ZNRF1: variants seen among roughly 807,000 people sequenced by gnomAD.
The protein encoded by ZNRF1 is zinc and ring finger 1, also known as E3 ubiquitin-protein ligase ZNRF1.
In ZNRF1, 3 loss-of-function variants were observed where a neutral mutation model predicts 18.4. That is an observed-to-expected ratio of 0.16 (90% CI 0.07 to 0.42). ZNRF1 has a LOEUF of 0.42. Ranked by LOEUF, ZNRF1 falls within the 10% of genes least tolerant of loss-of-function variation. ZNRF1 has a pLI of 0.99. For synonymous variants in ZNRF1, 157 were observed against 144.2 expected (o/e 1.09, Z -0.64); for missense variants, 310 against 329.8 (o/e 0.94, Z 0.47).
At chr16:75,042,443 CTTTTTTTT>C (rs56212046) in intron 1 of ZNRF1, among the ~76,000 whole-genome samples, 4 of 116,946 alleles carry the variant, frequency 3.4e-5, no homozygotes, top group Non-Finnish European at 5.3e-5. Context: ...CTGTTTCTTT[CTTTTTTTT>C]TTTTTTTTTT....
chr16:75,081,458 G>C (rs2036011640), intron 1 of ZNRF1, among the ~76,000 whole-genome samples: 1 of 152,166 alleles, frequency 6.6e-6, no homozygotes, highest in Admixed American at 6.5e-5. Context: ...TGTTGCCTTT[G>C]TTTTTGTTTC....
rs138905160 is a variant in ZNRF1 at position 75,060,116 on chromosome 16, C to G, written c.425-33456C>G. On this transcript the variant is annotated intron_variant, in intron 1 of 4. Coordinates refer to ENST00000335325, the MANE Select transcript of ZNRF1 (RefSeq NM_032268.5). Reference sequence around the variant, plus strand: ...TTGCCCAGGCTGGAGTGCAGTGACACGATCTCGGCTCACTGCAACCTCCGC... The same window carrying G: ...TTGCCCAGGCTGGAGTGCAGTGACAGGATCTCGGCTCACTGCAACCTCCGC... Among the ~76,000 whole-genome samples, 615 of 151,946 alleles carry G rather than the reference C, an allele frequency of 4.0e-3. 6 individuals carry two copies. Among genetic ancestry groups the G allele is most frequent in the Non-Finnish European group, 6.8e-3 (459 of 67,934 alleles).
intron 1 of ZNRF1, among the ~76,000 whole-genome samples, chr16:75,052,405 A>G (rs1038089465): frequency 6.6e-6 from 1 of 151,994 alleles, no homozygotes; most frequent in Non-Finnish European, 1.5e-5. Flanking sequence ...TGTCTCAAAA[A>G]AAAAAAAAAG....
At chr16:75,040,007 C>A (rs1484646075) in intron 1 of ZNRF1, among the ~76,000 whole-genome samples, 1 of 149,024 alleles carries the variant, frequency 6.7e-6, no homozygotes. Context: ...AGTTATGAAA[C>A]CATCACTAAA....
chr16:75,012,301 T>C (rs953951461), intron 1 of ZNRF1, among the ~76,000 whole-genome samples: 4 of 152,192 alleles, frequency 2.6e-5, no homozygotes, highest in Admixed American at 1.3e-4. Flanking sequence ...GATCATGAGA[T>C]GGAAGGAGGC....
At chr16:75,029,775 A>T (rs902307220) in intron 1 of ZNRF1, among the ~76,000 whole-genome samples, 1 of 149,038 alleles carries the variant, frequency 6.7e-6, no homozygotes, top group South Asian at 2.1e-4. Flanking sequence ...TCTCAGAACA[A>T]ACAAACAAAA....
At chr16:75,061,426 C>T (rs1341168335) in intron 1 of ZNRF1, among the ~76,000 whole-genome samples, 1 of 152,022 alleles carries the variant, frequency 6.6e-6, no homozygotes, top group Non-Finnish European at 1.5e-5. Context: ...CTTTTCCTGG[C>T]TTATTTCACT....
intron 1 of ZNRF1, among the ~76,000 whole-genome samples, chr16:75,015,925 T>TC (rs2035060293): frequency 1.3e-5 from 2 of 150,520 alleles, no homozygotes; most frequent in South Asian, 4.2e-4. Flanking sequence ...TCTTTTCTTT[T>TC]TTTTTTTTTT....
intron 1 of ZNRF1, among the ~76,000 whole-genome samples, chr16:75,060,473 CTTTT>C (rs34182819): frequency 1.1e-3 from 75 of 70,250 alleles, no homozygotes; most frequent in East Asian, 2.6e-3. Context: ...CTCAGAAAAT[CTTTT>C]TTTTTTTTTT....
At chr16:75,011,694 C>CTG (rs1247352697) in intron 1 of ZNRF1, among the ~76,000 whole-genome samples, 2 of 152,182 alleles carry the variant, frequency 1.3e-5, no homozygotes, top group East Asian at 3.8e-4. Context: ...GTCTTAAGAC[C>CTG]TGTGATAAGG....
chr16:75,025,819 A>T (rs1467039457), intron 1 of ZNRF1, among the ~76,000 whole-genome samples: 2 of 152,066 alleles, frequency 1.3e-5, no homozygotes, highest in South Asian at 2.1e-4. Flanking sequence ...ACTAGAGCAT[A>T]AGAAATTTTT....
At chr16:75,041,711 T>C (rs12931760) in intron 1 of ZNRF1, among the ~76,000 whole-genome samples, 16,619 of 152,040 alleles carry the variant, frequency 0.11, 1,916 homozygotes, top group African/African-American at 0.28. Flanking sequence ...TCTTTTTTGG[T>C]GAAATGTCAA....
intron 1 of ZNRF1, among the ~76,000 whole-genome samples, chr16:75,083,681 T>G (rs1161980553): frequency 6.6e-6 from 1 of 152,104 alleles, no homozygotes; most frequent in Non-Finnish European, 1.5e-5. Flanking sequence ...AATATAAATA[T>G]CCTAACTCCT....
chr16:75,089,874 A>T (rs984958332), intron 1 of ZNRF1, among the ~76,000 whole-genome samples: 3 of 152,226 alleles, frequency 2.0e-5, no homozygotes, highest in Non-Finnish European at 2.9e-5. Context: ...ACGCTGGAAT[A>T]CAGGGGAGTA....
intron 1 of ZNRF1, among the ~76,000 whole-genome samples, chr16:75,000,739 T>C (rs1254567599): frequency 6.6e-6 from 1 of 152,186 alleles, no homozygotes; most frequent in African/African-American, 2.4e-5. Flanking sequence ...TGGTCACCCG[T>C]ACTGCATGCA....
intron 1 of ZNRF1, among the ~76,000 whole-genome samples, chr16:75,088,464 G>T (rs1478983129): frequency 6.6e-6 from 1 of 152,200 alleles, no homozygotes; most frequent in Non-Finnish European, 1.5e-5. Context: ...AGTGTCCATT[G>T]TTTCAGGCTA....
chr16:75,098,486 C>T (rs1461422988), intron 2 of ZNRF1, among the ~76,000 whole-genome samples: 1 of 152,240 alleles, frequency 6.6e-6, no homozygotes, highest in Non-Finnish European at 1.5e-5. Flanking sequence ...ACTCTCTGCT[C>T]AAGGTCACCC....
At chr16:75,007,059 C>CTT (rs11321828) in intron 1 of ZNRF1, among the ~76,000 whole-genome samples, 3 of 138,738 alleles carry the variant, frequency 2.2e-5, no homozygotes, top group Non-Finnish European at 4.7e-5. Context: ...CAAGTTTAAT[C>CTT]TTTTTTTTTT....
intron 1 of ZNRF1, among the ~76,000 whole-genome samples, chr16:75,091,938 T>C (rs1231700885): frequency 6.6e-6 from 1 of 152,126 alleles, no homozygotes; most frequent in Non-Finnish European, 1.5e-5. Context: ...ATGGATTTTG[T>C]ATGTTATAAA....
Sources: gnomAD v4.1 joint callset for allele counts (sites outside exome capture counted in the v4.1 genomes callset) on GRCh38, gnomAD v4.1.1 for gene constraint, MANE v1.5 for transcripts, NCBI Gene and HGNC (gene_info 2026-07-23, HGNC 2026-07-21) for gene names.